The following KCNQ1 variants were observed in gnomAD, a reference collection of about 807,000 sequenced individuals.
The protein encoded by KCNQ1 is potassium voltage-gated channel subfamily KQT member 1.
A neutral mutation model predicts 72.4 loss-of-function variants in KCNQ1; 49 were observed. That is an observed-to-expected ratio of 0.68 (90% confidence interval 0.54 to 0.86). The LOEUF is 0.86. Ranked by LOEUF, KCNQ1 falls within the 40% of genes least tolerant of loss-of-function variation. The pLI is 0.00. For synonymous variants in KCNQ1, 450 were observed against 412.6 expected, an observed-to-expected ratio of 1.09 and a Z score of -1.10; for missense variants, 790 against 945.1, an observed-to-expected ratio of 0.84 and a Z score of 2.15.
intron 15 of KCNQ1, among the ~76,000 whole-genome samples, chr11:2,791,712 G>A (rs1004609050): frequency 3.3e-5 from 5 of 152,014 alleles, no homozygotes; most frequent in African/African-American, 1.2e-4. Context: ...GGGGTGGGGG[G>A]CCCGGGCCTC....
At position 2,678,495 on chromosome 11, in the gene KCNQ1, T is replaced by C; in HGVS notation, c.1514+16414T>C. The C allele has an allele frequency of 5.0e-6, 2 of 398,616 alleles. No individual in the cohort carries two copies. Among genetic ancestry groups the C allele is most frequent in the Non-Finnish European group, 4.4e-6 (1 of 226,060 alleles). The allele number at this position is 398,616 out of a possible 1,614,324, so 24.7% of individuals were successfully genotyped here. A position where few individuals can be genotyped will look rare whatever the true frequency, so the allele number is the denominator to read the frequency against. ...ATTTCAAACTCTCATTTAATTTGTG[T>C]CCATTTCTAGACTCTATTCTGGACT... On this transcript the variant is annotated intron_variant, in intron 11 of 15. Coordinates refer to ENST00000155840, the MANE Select transcript of KCNQ1 (RefSeq NM_000218.3). This position sits in a 1 kb window ranked among gnomAD's most constrained non-coding sequence, Gnocchi z 4.9.
Position 2,468,935 on chromosome 11 carries a change from G to C in KCNQ1, c.386+23451G>C, listed in dbSNP as rs1846397465. Among the ~76,000 whole-genome samples the C allele has an allele frequency of 6.6e-6, 1 of 152,228 alleles. No individual in the cohort carries two copies. The highest frequency in any genetic ancestry group is 1.5e-5 in the Non-Finnish European group (1 of 68,032). On this transcript the variant is annotated intron_variant, in intron 1 of 15. Transcript: ENST00000155840. This position sits in a 1 kb window ranked among gnomAD's most constrained non-coding sequence, Gnocchi z 5.7. Reference sequence around the variant, plus strand: ...GAACTGCTCTGCAGCCCGCTGGGAAGTGGAACGGCTGTGTCATGGGGTGGG... The same window carrying C: ...GAACTGCTCTGCAGCCCGCTGGGAACTGGAACGGCTGTGTCATGGGGTGGG...
At chr11:2,534,224 C>A (rs1421469639) in intron 2 of KCNQ1, among the ~76,000 whole-genome samples, 2 of 152,332 alleles carry the variant, frequency 1.3e-5, no homozygotes, top group Non-Finnish European at 2.9e-5. Flanking sequence ...CGGGTCCTGT[C>A]CTCAGCGCCC....
rs527909742 is a variant in KCNQ1 at position 2,679,841 on chromosome 11, T to C, written c.1514+17760T>C. 4.3e-5 allele frequency: 17 copies of C among 398,620 alleles called. No individual in the cohort carries two copies. The Admixed American group carries it at 5.7e-4, about 13-fold the overall frequency. The allele number at this position is 398,620 out of a possible 1,614,324, so 24.7% of individuals were successfully genotyped here. On this transcript the variant is annotated intron_variant, in intron 11 of 15. Transcript: ENST00000155840. The surrounding 1 kb of genome is among the most constrained non-coding windows in gnomAD (Gnocchi z 4.8). ...AGACTGCTGCTACTTCTGAATTTTA[T>C]AGGACATGCATTTTTTTCATATAAA...
At chr11:2,714,290 G>T (rs1287732935) in intron 11 of KCNQ1, among the ~76,000 whole-genome samples, 1 of 152,218 alleles carries the variant, frequency 6.6e-6, no homozygotes, top group Admixed American at 6.5e-5. Context: ...GGCCTGAGCC[G>T]CAAGGTCAGC....
rs1845740384 is a variant in KCNQ1, at chr11:2,725,330, T to C, written c.1515-43514T>C. Among the ~76,000 whole-genome samples, 1 of 152,150 alleles carries C rather than the reference T, an allele frequency of 6.6e-6. No homozygotes were observed. Among genetic ancestry groups the C allele is most frequent in the African/African-American group, 2.4e-5 (1 of 41,430 alleles). On this transcript the variant is annotated intron_variant, in intron 11 of 15. Transcript: ENST00000155840. This position sits in a 1 kb window ranked among gnomAD's most constrained non-coding sequence, Gnocchi z 7.2. ...GCGCTTGCCAGAAATGTTCCCAGCT[T>C]TTTTGAGTTCGTGAGTGGCTGGTGG...
intron 1 of KCNQ1, among the ~76,000 whole-genome samples, chr11:2,512,956 TG>T (rs1339066084): frequency 2.6e-5 from 4 of 152,120 alleles, no homozygotes; most frequent in African/African-American, 4.8e-5. Context: ...GCTCTGGCTC[TG>T]GGAAGGCAGT....
rs999668590 is a variant in KCNQ1 at position 2,657,043 on chromosome 11, G to C, written c.1394-4918G>C. Reference sequence around the variant, plus strand: ...ACAGCAAGCTTCCATATTTGTGTGGGCTGTTTCCCAATGCTCAATCCTGTC... The same window carrying C: ...ACAGCAAGCTTCCATATTTGTGTGGCCTGTTTCCCAATGCTCAATCCTGTC... On this transcript the variant is annotated intron_variant, in intron 10 of 15. Transcript: ENST00000155840. This position sits in a 1 kb window ranked among gnomAD's most constrained non-coding sequence, Gnocchi z 4.8. 2 of 398,484 alleles carry C rather than the reference G, an allele frequency of 5.0e-6. No homozygotes were observed. Among genetic ancestry groups the C allele is most frequent in the Admixed American group, 8.8e-5 (2 of 22,718 alleles). 24.7% of individuals were successfully genotyped at this position (398,484 alleles called of 1,614,324 possible). A position where few individuals can be genotyped will look rare whatever the true frequency, so the allele number is the denominator to read the frequency against.
rs563826700 is a variant in KCNQ1 at position 2,550,119 on chromosome 11, G to A, written c.478-20509G>A. On this transcript the variant is annotated intron_variant, in intron 2 of 15. Transcript: ENST00000155840. The surrounding 1 kb of genome is among the most constrained non-coding windows in gnomAD (Gnocchi z 6.0). ...GGAGCTCAGATGAGAGATGCTCAGAGTTGTCTGTAGAGAACCAGAGCTGCC... is the reference window on the plus strand; with the variant it reads ...GGAGCTCAGATGAGAGATGCTCAGAATTGTCTGTAGAGAACCAGAGCTGCC... 2.6e-5 allele frequency among the ~76,000 whole-genome samples: 4 copies of A among 152,330 alleles called. No individual in the cohort carries two copies. The East Asian group carries it at 5.8e-4, about 22-fold the overall frequency.
At chr11:2,530,394 G>A (rs1847599310) in intron 2 of KCNQ1, among the ~76,000 whole-genome samples, 1 of 152,250 alleles carries the variant, frequency 6.6e-6, no homozygotes, top group Non-Finnish European at 1.5e-5. Flanking sequence ...TCTGTGGGGG[G>A]TCCCTGACCT....
intron 15 of KCNQ1, among the ~76,000 whole-genome samples, chr11:2,796,534 A>G (rs1276373395): frequency 6.6e-6 from 1 of 152,030 alleles, no homozygotes; most frequent in African/African-American, 2.4e-5. Flanking sequence ...AGTAGTCCTC[A>G]TTTCCTCACT....
chr11:2,547,979 C>G lies in KCNQ1; in HGVS notation c.477+19961C>G, dbSNP rs576494599. Among the ~76,000 whole-genome samples the G allele has an allele frequency of 1.3e-5, 2 of 151,974 alleles. No homozygotes were observed. The highest frequency in any genetic ancestry group is 2.9e-5 in the Non-Finnish European group (2 of 67,986). On this transcript the variant is annotated intron_variant, in intron 2 of 15. Coordinates refer to ENST00000155840, the MANE Select transcript of KCNQ1 (RefSeq NM_000218.3). The surrounding 1 kb of genome is among the most constrained non-coding windows in gnomAD (Gnocchi z 4.2). ...CATTCAGAGACAGGGGAGCAGGGAGCGGTGGGGGATGAGGTCAGGGAGGTG... is the reference window on the plus strand; with the variant it reads ...CATTCAGAGACAGGGGAGCAGGGAGGGGTGGGGGATGAGGTCAGGGAGGTG...
rs976347446 is a variant in KCNQ1 at position 2,458,775 on chromosome 11, G to A, written c.386+13291G>A. On this transcript the variant is annotated intron_variant, in intron 1 of 15. Coordinates refer to ENST00000155840, the MANE Select transcript of KCNQ1 (RefSeq NM_000218.3). The surrounding 1 kb of genome is among the most constrained non-coding windows in gnomAD (Gnocchi z 4.6). ...AACGCGCTAAATGATACTACAGGAG[G>A]CCACTTGCAGAATCCCAGTGGTGGG... Among the ~76,000 whole-genome samples the A allele has an allele frequency of 1.3e-5, 2 of 152,170 alleles. No individual in the cohort carries two copies. Among genetic ancestry groups the A allele is most frequent in the Non-Finnish European group, 2.9e-5 (2 of 68,028 alleles).
Position 2,495,635 on chromosome 11 carries a change from A to G in KCNQ1, c.387-32293A>G, listed in dbSNP as rs904190440. ...GTAGCAGGTTGTTCAATTTCCATGTATCTGTGTGGTTTTTAGTGAGTTTCT... is the reference window on the plus strand; with the variant it reads ...GTAGCAGGTTGTTCAATTTCCATGTGTCTGTGTGGTTTTTAGTGAGTTTCT... On this transcript the variant is annotated intron_variant, in intron 1 of 15. Transcript: ENST00000155840. The surrounding 1 kb of genome is among the most constrained non-coding windows in gnomAD (Gnocchi z 4.6). Among the ~76,000 whole-genome samples the G allele has an allele frequency of 6.6e-6, 1 of 152,124 alleles. No individual in the cohort carries two copies. The highest frequency in any genetic ancestry group is 1.5e-5 in the Non-Finnish European group (1 of 68,034).
rs571214809 is a variant in KCNQ1 at position 2,559,907 on chromosome 11, G to A, written c.478-10721G>A. 8.8e-4 allele frequency among the ~76,000 whole-genome samples: 134 copies of A among 151,924 alleles called. No individual in the cohort carries two copies. Among genetic ancestry groups the A allele is most frequent in the Non-Finnish European group, 1.2e-3 (82 of 67,950 alleles). ...GGGTGGGGCCTGGTGTGTGGCTTCC[G>A]CTGGTTTCCTGGGTGTGTCTTCCTG... On this transcript the variant is annotated intron_variant, in intron 2 of 15. Transcript: ENST00000155840. This position sits in a 1 kb window ranked among gnomAD's most constrained non-coding sequence, Gnocchi z 4.9.
intron 1 of KCNQ1, among the ~76,000 whole-genome samples, chr11:2,523,478 G>A (rs1232567635): frequency 3.9e-5 from 6 of 152,220 alleles, no homozygotes. Context: ...GGGATTGCAG[G>A]TGTGAGCCGC....
intron 10 of KCNQ1, chr11:2,631,643 T>C (rs1849354759): frequency 5.0e-6 from 2 of 398,600 alleles, no homozygotes; most frequent in Non-Finnish European, 8.8e-6. Context: ...CCTTGGTTTT[T>C]CTGTTTCTTG....
chr11:2,553,112 C>T (rs1198705066), intron 2 of KCNQ1, among the ~76,000 whole-genome samples: 1 of 147,564 alleles, frequency 6.8e-6, no homozygotes, highest in Non-Finnish European at 1.5e-5. Context: ...GCTCATGTTA[C>T]TTATTAGTTT....
intron 5 of KCNQ1, 120 bp downstream of exon 5, chr11:2,572,229 G>A (rs1848348779): frequency 2.8e-6 from 2 of 722,320 alleles, no homozygotes; most frequent in East Asian, 5.4e-5. Flanking sequence ...GGGTGCCTGG[G>A]CGCAGGGGTA....
Sources: allele counts gnomAD v4.1 joint callset (sites outside exome capture counted in the v4.1 genomes callset), GRCh38; gene constraint gnomAD v4.1.1; non-coding constraint Gnocchi (gnomAD v3.1); transcripts MANE v1.5; gene names NCBI Gene and HGNC (gene_info 2026-07-23, HGNC 2026-07-21).